The following PIN4 variants were observed in gnomAD, a reference collection of about 807,000 sequenced individuals.
PIN4 encodes the protein peptidyl-prolyl cis-trans isomerase NIMA-interacting 4.
A neutral mutation model predicts 8.3 loss-of-function variants in PIN4; 3 were observed. The ratio of observed to expected loss-of-function variants is 0.36; its 90% CI spans 0.16 to 0.93. PIN4 has a LOEUF of 0.93. Among genes scored for constraint, PIN4 ranks in the 40% least tolerant of loss-of-function variants. The pLI is 0.44. For missense variants in PIN4, 75 were observed against 100.6 expected (o/e 0.75, Z 1.09); for synonymous variants, 18 against 32.5 (o/e 0.55, Z 1.52).
chrX:72,258,262 T>C (rs2043121650), intron 3 of PIN4, among the ~76,000 whole-genome samples: 1 of 111,911 alleles, frequency 8.9e-6, no homozygotes, highest in South Asian at 3.7e-4. Context: ...AGAGGACCTT[T>C]GAAACCTTCT....
Position 72,235,790 on chromosome X carries a change from C to A in PIN4, c.313-26917C>A, listed in dbSNP as rs756264333. Among the ~76,000 whole-genome samples, 11 of 111,920 alleles carry A rather than the reference C, an allele frequency of 9.8e-5. No individual in the cohort carries two copies. The East Asian group carries it at 3.1e-3, about 31-fold the overall frequency. On this transcript the variant is annotated intron_variant, in intron 3 of 3. Transcript: ENST00000423432. ...CAGCTGGTTAGTGACCTTAATTCCT[C>A]TCTACCATATGAGGGTAACATATTC...
At chrX:72,186,641 C>G (rs2042705254) in intron 2 of PIN4, 107 bp downstream of exon 2, 1 of 544,984 alleles carries the variant, frequency 1.8e-6, no homozygotes, top group Non-Finnish European at 3.0e-6. Context: ...TAGCCTAACA[C>G]TGGTATAAAA....
intron 3 of PIN4, among the ~76,000 whole-genome samples, chrX:72,256,298 G>T (rs746392288): frequency 1.2e-4 from 13 of 111,809 alleles, no homozygotes; most frequent in African/African-American, 3.2e-4. Context: ...ACACATATGT[G>T]ACATACATGT....
chrX:72,259,372 C>T (rs1271314286), intron 3 of PIN4, among the ~76,000 whole-genome samples: 3 of 109,598 alleles, frequency 2.7e-5, no homozygotes, highest in Non-Finnish European at 5.7e-5. Flanking sequence ...GCGCCCACCA[C>T]CATGCCCGGC....
At position 72,246,516 on chromosome X, in the gene PIN4, C is replaced by T. The variant is rs1602459396; in HGVS notation, c.313-16191C>T. ...AATCCTTCAAAGCCCCCTCGTTTCCCTCAAGATCAAGTCCTGCCTCCTTAC... is the reference window on the plus strand; with the variant it reads ...AATCCTTCAAAGCCCCCTCGTTTCCTTCAAGATCAAGTCCTGCCTCCTTAC... On this transcript the variant is annotated intron_variant, in intron 3 of 3. Transcript: ENST00000423432. Among the ~76,000 whole-genome samples, 4 of 111,750 alleles carry T rather than the reference C, an allele frequency of 3.6e-5. 1 individual carries two copies. In the Admixed American group the frequency reaches 3.8e-4, roughly 11 times the overall value.
intron 3 of PIN4, among the ~76,000 whole-genome samples, chrX:72,218,690 T>G (rs2147593389): frequency 9.0e-6 from 1 of 110,585 alleles, no homozygotes; most frequent in Non-Finnish European, 1.9e-5. Flanking sequence ...AGACGGGGTT[T>G]CACCATGTTG....
intron 3 of PIN4, among the ~76,000 whole-genome samples, chrX:72,214,428 C>T (rs1016029015): frequency 8.9e-6 from 1 of 111,769 alleles, no homozygotes; most frequent in African/African-American, 3.3e-5. Context: ...AACCCCAGCA[C>T]TTTGGGAGGC....
intron 3 of PIN4, among the ~76,000 whole-genome samples, chrX:72,233,760 A>G (rs750940511): frequency 1.8e-5 from 2 of 108,763 alleles, no homozygotes; most frequent in South Asian, 7.9e-4. Context: ...GTATTAGATA[A>G]TATCAATGAA....
intron 3 of PIN4, chrX:72,206,750 C>T: frequency 1.7e-6 from 2 of 1,211,213 alleles, no homozygotes; most frequent in Non-Finnish European, 2.2e-6. Context: ...AAATCATGGT[C>T]TGAGATTCCA....
In PIN4 at chrX:72,248,291, GAAAAAAAAAAAAAAAAAAAAAAAAAA is replaced by G. The variant is rs55908553; in HGVS notation, c.313-14396_313-14371del. On this transcript the variant is annotated intron_variant, in intron 3 of 3. Coordinates refer to the PIN4 transcript ENST00000423432. ...CCTAGGACATAGCTTGCTCCATCCA[GAAAAAAAAAAAAAAAAAAAAAAAAAA>G]AAAAAAAAAAAAAAAAAAATGTCCT... Among the ~76,000 whole-genome samples the G allele has an allele frequency of 8.5e-3, 469 of 54,902 alleles. 4 individuals carry two copies. Among genetic ancestry groups the G allele is most frequent in the African/African-American group, 0.019 (369 of 19,567 alleles). The allele number at this position is 54,902 out of a possible 115,157, so 47.7% of individuals were successfully genotyped here.
intron 3 of PIN4, among the ~76,000 whole-genome samples, chrX:72,225,806 A>G (rs2042950444): frequency 4.5e-5 from 5 of 111,144 alleles, no homozygotes; most frequent in South Asian, 3.9e-4. Flanking sequence ...CCTTTCGTCT[A>G]TATTTACACA....
intron 2 of PIN4, among the ~76,000 whole-genome samples, chrX:72,187,950 A>C (rs186336172): frequency 8.9e-6 from 1 of 112,468 alleles, no homozygotes; most frequent in Admixed American, 9.4e-5. Flanking sequence ...TAGCCTAAAA[A>C]AGAGAGATCA....
intron 2 of PIN4, among the ~76,000 whole-genome samples, chrX:72,190,125 T>C (rs759360273): frequency 8.1e-5 from 9 of 110,663 alleles, no homozygotes; most frequent in Non-Finnish European, 1.7e-4. Flanking sequence ...CTCCCCACTT[T>C]CTCCTAGGCT....
At chrX:72,181,718 T>C (rs867298070), upstream of PIN4, 26 of 1,098,458 alleles carry the variant, frequency 2.4e-5, no homozygotes, top group African/African-American at 3.0e-4. Context: ...GACATGCCCA[T>C]GGCGGGGCTT....
intron 2 of PIN4, among the ~76,000 whole-genome samples, chrX:72,190,451 C>T (rs1190582007): frequency 9.1e-6 from 1 of 110,113 alleles, no homozygotes; most frequent in Non-Finnish European, 1.9e-5. Context: ...ATCTACTATG[C>T]ATCAATAAAA....
At chrX:72,211,070 GA>G (rs1269534078) in intron 3 of PIN4, among the ~76,000 whole-genome samples, 3 of 111,602 alleles carry the variant, frequency 2.7e-5, no homozygotes, top group Non-Finnish European at 5.6e-5. Context: ...AATGCAGTTT[GA>G]TTTAGCCACT....
intron 3 of PIN4, among the ~76,000 whole-genome samples, chrX:72,226,466 G>A (rs1460388816): frequency 8.9e-6 from 1 of 112,121 alleles, no homozygotes; most frequent in African/African-American, 3.2e-5. Context: ...CATATACACC[G>A]ATTCTAAATA....
chrX:72,240,714 C>A (rs111580815), intron 3 of PIN4, among the ~76,000 whole-genome samples: 1 of 107,808 alleles, frequency 9.3e-6, no homozygotes, highest in African/African-American at 3.4e-5. Flanking sequence ...GTGGAAGAAT[C>A]GCTTGAACCC....
intron 3 of PIN4, among the ~76,000 whole-genome samples, chrX:72,221,973 C>T (rs918533594): frequency 3.6e-5 from 4 of 109,725 alleles, no homozygotes; most frequent in East Asian, 2.9e-4. Context: ...GAACCCCCTT[C>T]GTATTCCCAT....
Sources: gnomAD v4.1 joint callset for allele counts (sites outside exome capture counted in the v4.1 genomes callset) on GRCh38, gnomAD v4.1.1 for gene constraint, MANE v1.5 for transcripts, NCBI Gene and HGNC (gene_info 2026-07-23, HGNC 2026-07-21) for gene names.